Variants in PRKAR1B observed in about 807,000 individuals in gnomAD.
PRKAR1B encodes the protein protein kinase cAMP-dependent type I regulatory subunit beta, also known as cAMP-dependent protein kinase type I-beta regulatory subunit.
Under a neutral mutation model 46.5 loss-of-function variants are expected in PRKAR1B, and 22 were observed. The ratio of observed to expected loss-of-function variants is 0.47; its 90% confidence interval spans 0.34 to 0.68. PRKAR1B has a LOEUF of 0.68. PRKAR1B is among the 30% of genes least tolerant of loss of function. The probability of loss-of-function intolerance (pLI) is 0.01; values close to 1 mark genes in which losing one functional copy is unlikely to be tolerated. For missense variants in PRKAR1B, 445 were observed against 535.6 expected, an observed-to-expected ratio of 0.83 and a Z score of 1.67; for synonymous variants, 259 against 217.7, an observed-to-expected ratio of 1.19 and a Z score of -1.67.
At chr7:717,901 C>T (rs762219772) in intron 1 of PRKAR1B, among the ~76,000 whole-genome samples, 8 of 151,798 alleles carry the variant, frequency 5.3e-5, no homozygotes, top group South Asian at 2.1e-4. Context: ...CACCCCTGCC[C>T]GGTGGGGTAC....
chr7:616,915 C>A (rs1450057595), intron 4 of PRKAR1B, among the ~76,000 whole-genome samples: 1 of 152,056 alleles, frequency 6.6e-6, no homozygotes, highest in Non-Finnish European at 1.5e-5. Context: ...AAGTGCTCAT[C>A]CCGGGTAATT....
At chr7:716,097 G>C (rs1490299438) in intron 1 of PRKAR1B, among the ~76,000 whole-genome samples, 1 of 151,402 alleles carries the variant, frequency 6.6e-6, no homozygotes, top group Non-Finnish European at 1.5e-5. Context: ...GCCCAGGCTG[G>C]AGTGCAGTGG....
chr7:561,115 CCACACACAGGCACACAAACACACACA>C (rs1408539178), intron 9 of PRKAR1B, among the ~76,000 whole-genome samples: 1 of 151,390 alleles, frequency 6.6e-6, no homozygotes, highest in Non-Finnish European at 1.5e-5. Flanking sequence ...CACACACACC[CCACACACAGGCACACAAACACACACA>C]CACACACACC....
At chr7:589,104 G>A (rs1045651831) in intron 7 of PRKAR1B, among the ~76,000 whole-genome samples, 3 of 131,266 alleles carry the variant, frequency 2.3e-5, no homozygotes, top group East Asian at 2.4e-4. Context: ...GTGTGCTGAC[G>A]GGGAAAGTCA....
intron 9 of PRKAR1B, among the ~76,000 whole-genome samples, chr7:574,949 G>A (rs1293699660): frequency 1.3e-5 from 2 of 152,236 alleles, no homozygotes; most frequent in East Asian, 3.8e-4. Flanking sequence ...CGTCCTGCTG[G>A]CGGTGGAGCG....
intron 6 of PRKAR1B, among the ~76,000 whole-genome samples, chr7:603,558 T>A (rs1583283639): frequency 6.7e-6 from 1 of 149,716 alleles, no homozygotes; most frequent in East Asian, 2.0e-4. Flanking sequence ...TCAATAAACA[T>A]CCAGGAAGGA....
intron 4 of PRKAR1B, among the ~76,000 whole-genome samples, chr7:639,123 G>T (rs561594619): frequency 5.3e-4 from 80 of 152,254 alleles, no homozygotes; most frequent in African/African-American, 1.9e-3. Context: ...ATACAGAAAT[G>T]TAAGGGCACT....
At chr7:614,262 C>A (rs993322759) in intron 4 of PRKAR1B, among the ~76,000 whole-genome samples, 1 of 152,208 alleles carries the variant, frequency 6.6e-6, no homozygotes. Context: ...CGACAGGATG[C>A]GCAGAATGAC....
At chr7:601,396 G>A (rs371168391) in intron 6 of PRKAR1B, among the ~76,000 whole-genome samples, 4 of 152,196 alleles carry the variant, frequency 2.6e-5, no homozygotes, top group African/African-American at 4.8e-5. Context: ...CCATGCGGCC[G>A]TTCCCCCGGG....
intron 2 of PRKAR1B, among the ~76,000 whole-genome samples, chr7:689,385 T>C (rs989615765): frequency 8.5e-5 from 13 of 152,086 alleles, no homozygotes; most frequent in Admixed American, 2.6e-4. Flanking sequence ...CCTCCCAAAG[T>C]GCTGGGATTA....
chr7:597,752 C>G (rs1330236023), intron 6 of PRKAR1B, among the ~76,000 whole-genome samples: 1 of 152,334 alleles, frequency 6.6e-6, no homozygotes, highest in East Asian at 1.9e-4. Flanking sequence ...GGCCGGGGCA[C>G]AGCCTGGCCT....
rs1781101649 is a variant in PRKAR1B, at chr7:593,467, C to G, written c.708+2679G>C. Among the ~76,000 whole-genome samples, 1 of 152,194 alleles carries G rather than the reference C, an allele frequency of 6.6e-6. No homozygotes were observed. The highest frequency in any genetic ancestry group is 6.5e-5 in the Admixed American group (1 of 15,286). ...CCCAAAATTAAAACAGAGGAAGCGC[C>G]AGCTCCCTCAGTGGTTTGGGAACTT... On this transcript the variant is annotated intron_variant, in intron 7 of 10. Transcript: ENST00000537384. The surrounding 1 kb of genome is among the most constrained non-coding windows in gnomAD (Gnocchi z 6.1).
intron 4 of PRKAR1B, among the ~76,000 whole-genome samples, chr7:633,269 C>T (rs915523374): frequency 6.6e-6 from 1 of 152,156 alleles, no homozygotes; most frequent in South Asian, 2.1e-4. Flanking sequence ...GGGGCCGTGA[C>T]TCCATGTGCG....
At chr7:660,566 TCCC>T (rs1785462422) in intron 4 of PRKAR1B, among the ~76,000 whole-genome samples, 1 of 56,092 alleles carries the variant, frequency 1.8e-5, no homozygotes, top group South Asian at 9.1e-4. Flanking sequence ...ATACCTACTC[TCCC>T]CCCCATGGCA....
At chr7:661,247 C>G (rs1180558928) in intron 4 of PRKAR1B, among the ~76,000 whole-genome samples, 1 of 80,720 alleles carries the variant, frequency 1.2e-5, no homozygotes, top group Non-Finnish European at 2.5e-5. Flanking sequence ...GTCCAAATAC[C>G]TACTCTCCCC....
At chr7:643,939 T>A (rs1784510005) in intron 4 of PRKAR1B, among the ~76,000 whole-genome samples, 1 of 152,140 alleles carries the variant, frequency 6.6e-6, no homozygotes, top group African/African-American at 2.4e-5. Flanking sequence ...CCTTTCCAGC[T>A]GAGGTCCCAG....
At position 714,312 on chromosome 7, in the gene PRKAR1B, C is replaced by G. The variant is rs80342770; in HGVS notation, c.-22-2785G>C. 0.017 allele frequency among the ~76,000 whole-genome samples: 2,604 copies of G among 152,302 alleles called. 42 individuals are homozygous for G. The highest frequency in any genetic ancestry group is 0.1 in the East Asian group (523 of 5,182). ...GAGTGGAGGCACCTCTCTGGCTGACCTCACAGGACAGCCCTCTGATCCCGA... is the reference window on the plus strand; with the variant it reads ...GAGTGGAGGCACCTCTCTGGCTGACGTCACAGGACAGCCCTCTGATCCCGA... On this transcript the variant is annotated intron_variant, in intron 1 of 10. Coordinates refer to ENST00000537384, the MANE Select transcript of PRKAR1B (RefSeq NM_001164760.2). The surrounding 1 kb of genome is among the most constrained non-coding windows in gnomAD (Gnocchi z 4.3).
chr7:590,521 G>A (rs374486315), intron 7 of PRKAR1B, among the ~76,000 whole-genome samples: 4 of 152,206 alleles, frequency 2.6e-5, no homozygotes, highest in East Asian at 3.9e-4. Flanking sequence ...GCCAGCATCC[G>A]GGGAGAAAAC....
At chr7:721,807 G>A (rs1781082489) in intron 1 of PRKAR1B, among the ~76,000 whole-genome samples, 2 of 152,194 alleles carry the variant, frequency 1.3e-5, no homozygotes, top group South Asian at 4.1e-4. Context: ...AGGACTCACA[G>A]TCAACAGCTC....
Sources: gnomAD v4.1 joint callset for allele counts (sites outside exome capture counted in the v4.1 genomes callset) on GRCh38, gnomAD v4.1.1 for gene constraint, Gnocchi (gnomAD v3.1) non-coding constraint, MANE v1.5 for transcripts, NCBI Gene and HGNC (gene_info 2026-07-23, HGNC 2026-07-21) for gene names.